IYD: variants seen among roughly 807,000 people sequenced by gnomAD.
The protein encoded by IYD is iodotyrosine deiodinase 1.
IYD carries 25 observed loss-of-function variants against 28.4 expected under a neutral mutation model. The observed-to-expected ratio is 0.88, with a 90% CI of 0.64 to 1.23. The LOEUF (loss-of-function observed/expected upper bound fraction) is 1.23. IYD is among the 50% of genes most tolerant of loss of function. IYD has a pLI of 0.00. For synonymous variants in IYD, 140 were observed against 130.8 expected (o/e 1.07, Z -0.48); for missense variants, 352 against 357.9 (o/e 0.98, Z 0.13).
At chr6:150,382,171 C>G (rs1777669032) in intron 1 of IYD, among the ~76,000 whole-genome samples, 1 of 152,122 alleles carries the variant, frequency 6.6e-6, no homozygotes, top group Non-Finnish European at 1.5e-5. Flanking sequence ...CATCTAATGA[C>G]TGATTGCAGT....
chr6:150,390,159 T>C (rs1204933227), intron 2 of IYD, among the ~76,000 whole-genome samples: 1 of 152,232 alleles, frequency 6.6e-6, no homozygotes, highest in Non-Finnish European at 1.5e-5. Context: ...GATTGGAGTC[T>C]TATTCTTACA....
At chr6:150,370,948 A>G (rs904878376) in intron 1 of IYD, among the ~76,000 whole-genome samples, 3 of 152,184 alleles carry the variant, frequency 2.0e-5, no homozygotes, top group Non-Finnish European at 4.4e-5. Flanking sequence ...ACAGCAGTCT[A>G]TGTTAGGGGC....
At chr6:150,374,238 T>C (rs1165003135) in intron 1 of IYD, among the ~76,000 whole-genome samples, 2 of 152,354 alleles carry the variant, frequency 1.3e-5, no homozygotes, top group East Asian at 3.9e-4. Context: ...CACAGGAGCC[T>C]TCATAGGGAA....
chr6:150,378,566 A>G (rs1340093239), intron 1 of IYD, among the ~76,000 whole-genome samples: 1 of 152,178 alleles, frequency 6.6e-6, no homozygotes, highest in African/African-American at 2.4e-5. Flanking sequence ...GCCATCAGAG[A>G]AATGCAAATC....
At chr6:150,370,864 G>A (rs1019632545) in intron 1 of IYD, among the ~76,000 whole-genome samples, 4 of 152,218 alleles carry the variant, frequency 2.6e-5, no homozygotes, top group Non-Finnish European at 5.9e-5. Context: ...CCAGCTTAAA[G>A]GGGAAGATGT....
intron 4 of IYD, 147 bp from the exon 5 acceptor site, chr6:150,397,908 A>G (rs1778382781): frequency 2.6e-6 from 2 of 770,784 alleles, no homozygotes; most frequent in South Asian, 3.1e-5. Context: ...CGATGCCATT[A>G]CTTGAGCTGG....
chr6:150,394,037 G>T, intron 3 of IYD, 62 bp from the exon 4 acceptor site: 2 of 1,422,580 alleles, frequency 1.4e-6, no homozygotes, highest in Non-Finnish European at 9.9e-7. Flanking sequence ...AAGAAGCTAA[G>T]GTAGTAAAAG....
intron 3 of IYD, 148 bp downstream of exon 3, chr6:150,392,652 C>G: frequency 1.2e-6 from 1 of 816,892 alleles, no homozygotes; most frequent in South Asian, 1.5e-5. Context: ...AGTCCGGGCT[C>G]ACTCCTGTAT....
chr6:150,399,632 A>G lies in IYD; in HGVS notation c.*1395A>G, dbSNP rs1778446725. ...TCCTTGAGAAAACTCTCTCTATAAA[A>G]AATTTCCATAGAGTATGTGGCTGAT... On this transcript the variant is annotated 3_prime_UTR_variant, in exon 5 of 5. Transcript: ENST00000344419. The G allele has an allele frequency of 1.3e-5, 2 of 152,130 alleles. No homozygotes were observed. Among genetic ancestry groups the G allele is most frequent in the South Asian group, 4.1e-4 (2 of 4,824 alleles). 9.4% of individuals were successfully genotyped at this position (152,130 alleles called of 1,614,324 possible).
chr6:150,398,009 A>G, intron 4 of IYD, 46 bp from the exon 5 acceptor site: 1 of 1,582,242 alleles, frequency 6.3e-7, no homozygotes, highest in Non-Finnish European at 8.7e-7. Flanking sequence ...GAGAGCAGTC[A>G]TTCTGCCTGC....
intron 1 of IYD, among the ~76,000 whole-genome samples, chr6:150,381,251 C>T (rs7772011): frequency 0.55 from 84,303 of 152,088 alleles, 23,594 homozygotes; most frequent in African/African-American, 0.59. Context: ...GAAATGGTAA[C>T]ATGGCAAGAA....
rs1778289344 is a variant in IYD at position 150,395,757 on chromosome 6, C to G, written c.687+1502C>G. ...ATGCATGTCTTGTAGAGGCAGCTTC[C>G]AGAACTTCCTGGTCAGGTTTAGAGG... On this transcript the variant is annotated intron_variant, in intron 4 of 4. Transcript: ENST00000344419. The G allele has an allele frequency of 1.0e-5, 7 of 681,680 alleles. No homozygotes were observed. The Admixed American group carries it at 1.4e-4, about 14-fold the overall frequency. The allele number at this position is 681,680 out of a possible 1,614,324, so 42.2% of individuals were successfully genotyped here.
chr6:150,405,247 G>T lies in IYD; in HGVS notation c.*7010G>T, dbSNP rs2115080226. On this transcript the variant is annotated 3_prime_UTR_variant, in exon 5 of 5. Coordinates refer to ENST00000344419, the MANE Select transcript of IYD (RefSeq NM_203395.3). ...CTCCCTGGTCTAGACCTTCAGCCTT[G>T]ACCTTGCCCTGAAACGCCAAACTCT... is the stretch of plus-strand genomic sequence containing the variant. 6.6e-6 allele frequency: 1 copy of T among 152,290 alleles called. No individual in the cohort carries two copies. Among genetic ancestry groups the T allele is most frequent in the East Asian group, 1.9e-4 (1 of 5,170 alleles). 9.4% of individuals were successfully genotyped at this position (152,290 alleles called of 1,614,324 possible). A position where few individuals can be genotyped will look rare whatever the true frequency, so the allele number is the denominator to read the frequency against.
At chr6:150,370,481 G>A (rs530447865) in intron 1 of IYD, 82 of 985,316 alleles carry the variant, frequency 8.3e-5, no homozygotes, top group African/African-American at 1.0e-4. Context: ...GGACCGGGGC[G>A]CAGGGTGTCC....
chr6:150,380,366 T>C (rs1306642566), intron 1 of IYD, among the ~76,000 whole-genome samples: 1 of 152,166 alleles, frequency 6.6e-6, no homozygotes. Flanking sequence ...TCATTGCTAT[T>C]GGCATTTCCT....
chr6:150,388,770 C>T (rs9371437), intron 1 of IYD, among the ~76,000 whole-genome samples: 12,642 of 143,138 alleles, frequency 0.088, 898 homozygotes, highest in East Asian at 0.31. Flanking sequence ...GGTGCAATCT[C>T]GGCTCACTGC....
At chr6:150,386,095 T>C (rs1466389167) in intron 1 of IYD, among the ~76,000 whole-genome samples, 1 of 151,992 alleles carries the variant, frequency 6.6e-6, no homozygotes, top group East Asian at 1.9e-4. Flanking sequence ...CCCTATTGCA[T>C]GTTTGTTGTT....
intron 3 of IYD, 65 bp from the exon 4 acceptor site, chr6:150,394,034 T>C (rs1436688364): frequency 1.4e-6 from 2 of 1,408,796 alleles, no homozygotes; most frequent in African/African-American, 2.8e-5. Flanking sequence ...ATAAAGAAGC[T>C]AAGGTAGTAA....
At chr6:150,375,111 T>C (rs1358032669) in intron 1 of IYD, among the ~76,000 whole-genome samples, 1 of 152,186 alleles carries the variant, frequency 6.6e-6, no homozygotes, top group Non-Finnish European at 1.5e-5. Context: ...CAGCCAGATG[T>C]CACCTTAATA....
Sources: allele counts gnomAD v4.1 joint callset (sites outside exome capture counted in the v4.1 genomes callset), GRCh38; gene constraint gnomAD v4.1.1; transcripts MANE v1.5; gene names NCBI Gene and HGNC (gene_info 2026-07-23, HGNC 2026-07-21).